The following SF3B1 variants were observed in gnomAD, a reference collection of about 807,000 sequenced individuals.
SF3B1 encodes pre-mRNA processing 10.
A neutral mutation model predicts 153.8 loss-of-function variants in SF3B1; 12 were observed. That is an observed-to-expected ratio of 0.08 (90% CI 0.05 to 0.13). The LOEUF (loss-of-function observed/expected upper bound fraction) is 0.13. SF3B1 is among the 10% of genes least tolerant of loss of function. SF3B1 has a pLI of 1.00. For missense variants in SF3B1, 513 were observed against 1,606.1 expected (o/e 0.32, Z 11.63); for synonymous variants, 498 against 525.2 (o/e 0.95, Z 0.71).
At chr2:197,419,468 T>C (rs1218062233) in intron 4 of SF3B1, 1 of 218,390 alleles carries the variant, frequency 4.6e-6, no homozygotes, top group African/African-American at 2.2e-5. Flanking sequence ...TAGGAAAAAA[T>C]AATAAAATTC....
intron 5 of SF3B1, among the ~76,000 whole-genome samples, chr2:197,418,264 A>G (rs1057332211): frequency 6.9e-6 from 1 of 144,120 alleles, no homozygotes; most frequent in African/African-American, 2.6e-5. Context: ...AAAAAAAAAA[A>G]TCCCTTGTGA....
chr2:197,414,875 G>A (rs1032081858), intron 6 of SF3B1, among the ~76,000 whole-genome samples: 5 of 152,146 alleles, frequency 3.3e-5, no homozygotes, highest in African/African-American at 4.8e-5. Context: ...ATGGTGGTAC[G>A]TGTCTATAGT....
intron 11 of SF3B1, 78 bp downstream of exon 11, chr2:197,404,998 G>A: frequency 1.0e-6 from 1 of 989,480 alleles, no homozygotes; most frequent in Non-Finnish European, 1.5e-6. Flanking sequence ...GCAAAACCCT[G>A]TCTCTACAAA....
chr2:197,425,509 C>T (rs116018252), intron 1 of SF3B1, among the ~76,000 whole-genome samples: 2,477 of 152,006 alleles, frequency 0.016, 72 homozygotes, highest in African/African-American at 0.056. Context: ...AATAAAAAAG[C>T]TCAATTGCTA....
intron 1 of SF3B1, among the ~76,000 whole-genome samples, chr2:197,426,298 T>G (rs965938183): frequency 6.6e-6 from 1 of 151,998 alleles, no homozygotes. Context: ...GCATCTTCTT[T>G]TCTTTTCTTT....
In SF3B1 at chr2:197,413,798, GTTC is replaced by G. The variant is rs796102299; in HGVS notation, c.666+2940_666+2942del. ...CCCTAAATGTTTTTTTGTTATTGTT[GTTC>G]TTGTTTTGTTTTGTTTTTTTTTTTG... On this transcript the variant is annotated intron_variant, in intron 6 of 24. Coordinates refer to ENST00000335508, the MANE Select transcript of SF3B1 (RefSeq NM_012433.4). Among the ~76,000 whole-genome samples the G allele has an allele frequency of 5.2e-3, 793 of 151,496 alleles. 6 individuals are homozygous for G. The highest frequency in any genetic ancestry group is 0.018 in the African/African-American group (725 of 41,348).
chr2:197,403,576 A>G lies in SF3B1; in HGVS notation c.1719+9T>C, dbSNP rs2084958319. 4.6e-6 allele frequency: 7 copies of G among 1,525,570 alleles called. No homozygotes were observed. In the East Asian group the frequency reaches 1.7e-4, roughly 37 times the overall value. The allele number at this position is 1,525,570 out of a possible 1,614,324, so 94.5% of individuals were successfully genotyped here. A position where few individuals can be genotyped will look rare whatever the true frequency, so the allele number is the denominator to read the frequency against. On this transcript the variant is annotated intron_variant, in intron 12 of 24. Coordinates refer to ENST00000335508, the MANE Select transcript of SF3B1 (RefSeq NM_012433.4). ...TAAACTATCAGAAACACTATTAAGG[A>G]GAACAAACCTTATGCACATATGGAC...
rs551687639 is a variant in SF3B1 at position 197,400,272 on chromosome 2, C to T, written c.2881G>A (p.Val961Ile). The T allele has an allele frequency of 3.1e-6, 5 of 1,613,976 alleles. No homozygotes were observed. In the South Asian group the frequency reaches 3.3e-5, roughly 11 times the overall value. Residue 961 changes from valine (V) to isoleucine (I), a missense_variant, in exon 19 of 25, where the codon GTC becomes ATC. Transcript: ENST00000335508. This position sits in a 1 kb window ranked among gnomAD's most constrained non-coding sequence, Gnocchi z 5.0. ...TTTACCTCTTGACAAGTCTTCATGA[C>T]AACAGCAGTTCGAGAAATCAAGTCA... ...AADLISRTAV[V>I]MKTCQEEKLM...
intron 1 of SF3B1, among the ~76,000 whole-genome samples, chr2:197,427,792 G>A (rs1282297281): frequency 3.3e-5 from 5 of 151,996 alleles, no homozygotes; most frequent in South Asian, 4.2e-4. Context: ...AGGCCGAGGC[G>A]GGTGGATCAC....
At chr2:197,418,885 G>A (rs766343325) in intron 4 of SF3B1, 51 of 1,584,814 alleles carry the variant, frequency 3.2e-5, no homozygotes, top group Middle Eastern at 1.7e-4. Context: ...TTGCTAATCC[G>A]GAATACGTAC....
At chr2:197,419,261 C>T (rs970226405) in intron 4 of SF3B1, 16 of 346,694 alleles carry the variant, frequency 4.6e-5, no homozygotes, top group Non-Finnish European at 2.1e-5. Flanking sequence ...ATTACTTCTA[C>T]CAGTTATTAT....
At chr2:197,421,343 T>G (rs2085238929) in intron 2 of SF3B1, among the ~76,000 whole-genome samples, 1 of 152,208 alleles carries the variant, frequency 6.6e-6, no homozygotes, top group Non-Finnish European at 1.5e-5. Flanking sequence ...ACTTTTAAAA[T>G]GATTAAGCAA....
At position 197,408,408 on chromosome 2, in the gene SF3B1, T is replaced by C. The variant is rs371845865; in HGVS notation, c.1078A>G (p.Ile360Val). ...GCCATGTTCATGGCTGGTGTGCCAATTGGTGTCTTTCCAGGGGTCAGAACT... is the reference window on the plus strand; with the variant it reads ...GCCATGTTCATGGCTGGTGTGCCAACTGGTGTCTTTCCAGGGGTCAGAACT... ...TPVLTPGKTP[I>V]GTPAMNMATP... is the part of the protein sequence containing the mutation. The change falls in exon 8 of 25, where the codon ATT (isoleucine) becomes GTT (valine). Residue 360 changes from isoleucine to valine, a missense_variant. Ile to Val is a conservative substitution (Grantham distance 29). This residue lies in a region of SF3B1 where 91 missense variants were observed against 157.4 expected (regional missense o/e 0.58). Transcript: ENST00000335508. 6.2e-6 allele frequency: 10 copies of C among 1,614,044 alleles called. No individual in the cohort carries two copies. The East Asian group carries it at 6.7e-5, about 11-fold the overall frequency.
chr2:197,391,388 C>G lies in SF3B1; in HGVS notation c.*915G>C, dbSNP rs186228625. The G allele has an allele frequency of 2.0e-5, 3 of 152,338 alleles. No individual in the cohort carries two copies. The highest frequency in any genetic ancestry group is 2.0e-4 in the Admixed American group (3 of 15,296). 9.4% of individuals were successfully genotyped at this position (152,338 alleles called of 1,614,324 possible). On this transcript the variant is annotated 3_prime_UTR_variant, in exon 25 of 25. Transcript: ENST00000335508. ...AAAGGTAGAGGGCAGGTCTCATGCACCTTTGCATCCCCTGCATATAAGCAC... is the reference window on the plus strand; with the variant it reads ...AAAGGTAGAGGGCAGGTCTCATGCAGCTTTGCATCCCCTGCATATAAGCAC...
At chr2:197,419,216 ATAAAT>A (rs960082420) in intron 4 of SF3B1, 5 of 432,706 alleles carry the variant, frequency 1.2e-5, no homozygotes, top group African/African-American at 6.0e-5. Context: ...CTTAGAAAGC[ATAAAT>A]TAAAACTGGA....
intron 9 of SF3B1, 106 bp from the exon 10 acceptor site, chr2:197,405,578 T>C (rs2084981085): frequency 1.3e-6 from 1 of 765,652 alleles, no homozygotes; most frequent in African/African-American, 1.8e-5. Context: ...ATAAGGTTTT[T>C]ATTTGCTTGG....
chr2:197,424,499 A>C (rs1450219306), intron 1 of SF3B1, among the ~76,000 whole-genome samples: 1 of 151,974 alleles, frequency 6.6e-6, no homozygotes, highest in Non-Finnish European at 1.5e-5. Flanking sequence ...CTCTCAAAAA[A>C]AAAAAAAAAA....
In SF3B1 at chr2:197,392,573, G is replaced by GT. The variant is rs199852275; in HGVS notation, c.3757-113_3757-112insA. 4.2e-5 allele frequency: 15 copies of GT among 355,814 alleles called. 1 individual carries two copies. In the East Asian group the frequency reaches 6.6e-4, roughly 16 times the overall value. 22.0% of individuals were successfully genotyped at this position (355,814 alleles called of 1,614,324 possible). A position where few individuals can be genotyped will look rare whatever the true frequency, so the allele number is the denominator to read the frequency against. On this transcript the variant is annotated intron_variant, in intron 24 of 24. Coordinates refer to ENST00000335508, the MANE Select transcript of SF3B1 (RefSeq NM_012433.4). ...AAAATTATTTCCCTTGGGGAGTTGG[G>GT]GGGGGGGGAACCTACTAATTACACT...
rs35493573 is a variant in SF3B1 at position 197,405,293 on chromosome 2, T to C, written c.1419A>G (p.Gln473=). 7,792 of 1,612,878 alleles carry C rather than the reference T, an allele frequency of 4.8e-3. 124 individuals carry two copies. The highest frequency in any genetic ancestry group is 0.038 in the South Asian group (3,481 of 91,018). The change falls in exon 10 of 25, where the codon CAA becomes CAG. Residue 473 remains glutamine, a synonymous_variant. Transcript: ENST00000335508. Reference sequence around the variant, plus strand: ...CACTTACCAATAGTTTATCAAAGTATTGAATATCATCAGGTTTTAAAAATG... The same window carrying C: ...CACTTACCAATAGTTTATCAAAGTACTGAATATCATCAGGTTTTAAAAATG... The part of the protein sequence containing the change: ...NLPFLKPDDI[Q]YFDKLLVDVD...
Sources: gnomAD v4.1 joint callset for allele counts (sites outside exome capture counted in the v4.1 genomes callset) on GRCh38, gnomAD v4.1.1 for gene constraint, gnomAD v4.1.1 regional missense constraint, Gnocchi (gnomAD v3.1) non-coding constraint, MANE v1.5 for transcripts, NCBI Gene and HGNC (gene_info 2026-07-23, HGNC 2026-07-21) for gene names.